Variants in GALNT13 observed in about 807,000 individuals in gnomAD.
GALNT13 encodes the protein UDP-GalNAc:polypeptide N-acetylgalactosaminyltransferase 13.
A neutral mutation model predicts 64.2 loss-of-function variants in GALNT13; 28 were observed. That is an observed-to-expected ratio of 0.44 (90% confidence interval 0.32 to 0.60). GALNT13 has a LOEUF of 0.60. Ranked by LOEUF, GALNT13 falls within the 20% of genes least tolerant of loss-of-function variation. GALNT13 has a pLI of 0.05. For missense variants in GALNT13, 577 were observed against 669.8 expected (o/e 0.86, Z 1.53); for synonymous variants, 214 against 224.6 (o/e 0.95, Z 0.42).
chr2:153,777,337 G>A, the GALNT13 span, among the ~76,000 whole-genome samples: 2 of 152,130 alleles, frequency 1.3e-5, no homozygotes, highest in Non-Finnish European at 2.9e-5. Flanking sequence ...GGTGGGATGG[G>A]GTGGAAATAC....
intron 2 of GALNT13, among the ~76,000 whole-genome samples, chr2:153,929,509 C>G (rs950268644): frequency 2.0e-5 from 3 of 152,078 alleles, no homozygotes; most frequent in African/African-American, 7.2e-5. Context: ...TACCCTCCAC[C>G]TTCAAGTAGG....
At chr2:153,532,966 A>G in the GALNT13 span, among the ~76,000 whole-genome samples, 1 of 152,346 alleles carries the variant, frequency 6.6e-6, no homozygotes, top group South Asian at 2.1e-4. Context: ...TCTATTCTCC[A>G]TGAGCTAATT....
At chr2:154,269,906 G>GTGTATA (rs529424469) in intron 8 of GALNT13, among the ~76,000 whole-genome samples, 13 of 96,848 alleles carry the variant, frequency 1.3e-4, no homozygotes, top group Non-Finnish European at 1.9e-4. Flanking sequence ...ATATATATGT[G>GTGTATA]TATATATATA....
At chr2:153,872,902 A>T in intron 1 of GALNT13, among the ~76,000 whole-genome samples, 1 of 150,912 alleles carries the variant, frequency 6.6e-6, no homozygotes, top group Non-Finnish European at 1.5e-5. Flanking sequence ...TCTCTTTCTG[A>T]GCCTTGGTCC....
chr2:153,421,774 G>T, the GALNT13 span: 1 of 207,376 alleles, frequency 4.8e-6, no homozygotes. Flanking sequence ...TATAAACACT[G>T]CCCTGGACAC....
the GALNT13 span, chr2:153,207,999 T>C: frequency 4.6e-5 from 7 of 152,228 alleles, no homozygotes; most frequent in South Asian, 1.5e-3. Flanking sequence ...TCCAGGTAAG[T>C]AGACATTCTT....
intron 2 of GALNT13, among the ~76,000 whole-genome samples, chr2:153,942,924 G>C (rs1440839576): frequency 2.0e-5 from 3 of 152,086 alleles, no homozygotes; most frequent in African/African-American, 7.2e-5. Flanking sequence ...ATGTTTTTGA[G>C]ACAAACGTTT....
the GALNT13 span, among the ~76,000 whole-genome samples, chr2:153,577,425 A>C: frequency 1.3e-5 from 2 of 152,102 alleles, no homozygotes; most frequent in Non-Finnish European, 2.9e-5. Context: ...CAATTAATTA[A>C]AAAAATCCCC....
intron 1 of GALNT13, among the ~76,000 whole-genome samples, chr2:153,884,860 C>T (rs1453836882): frequency 1.1e-4 from 7 of 63,706 alleles, no homozygotes; most frequent in African/African-American, 3.6e-4. Flanking sequence ...TGTATATACA[C>T]ACACACACAC....
At chr2:153,347,459 G>GT in the GALNT13 span, among the ~76,000 whole-genome samples, 1 of 152,210 alleles carries the variant, frequency 6.6e-6, no homozygotes, top group Non-Finnish European at 1.5e-5. Context: ...GACAGCAACT[G>GT]TAAGACATTA....
chr2:153,996,772 A>G (rs547171728), intron 3 of GALNT13, among the ~76,000 whole-genome samples: 10 of 152,110 alleles, frequency 6.6e-5, no homozygotes, highest in Admixed American at 3.9e-4. Context: ...TGTTTCCCCT[A>G]TGCTTTTTTG....
At chr2:153,469,047 T>C in the GALNT13 span, among the ~76,000 whole-genome samples, 2 of 152,256 alleles carry the variant, frequency 1.3e-5, no homozygotes, top group South Asian at 2.1e-4. Context: ...TTATTAACCA[T>C]TGGAAGTTAT....
chr2:153,802,281 A>G, the GALNT13 span, among the ~76,000 whole-genome samples: 1 of 152,236 alleles, frequency 6.6e-6, no homozygotes, highest in African/African-American at 2.4e-5. Flanking sequence ...AGATGTAATC[A>G]GAAGCTAAAA....
chr2:153,354,292 A>G, the GALNT13 span: 1 of 152,224 alleles, frequency 6.6e-6, no homozygotes, highest in South Asian at 2.1e-4. Flanking sequence ...GTAAGTTCTC[A>G]AAGAAGTGGA....
At chr2:154,414,942 C>A (rs1699944882) in intron 11 of GALNT13, among the ~76,000 whole-genome samples, 1 of 151,740 alleles carries the variant, frequency 6.6e-6, no homozygotes, top group South Asian at 2.1e-4. Flanking sequence ...AATTGGTACT[C>A]AGATCATAGT....
At chr2:153,656,846 G>A in the GALNT13 span, among the ~76,000 whole-genome samples, 1 of 152,048 alleles carries the variant, frequency 6.6e-6, no homozygotes, top group South Asian at 2.1e-4. Flanking sequence ...GTCACACATT[G>A]GGATGAAGTC....
chr2:154,341,181 A>G (rs1423182214), intron 9 of GALNT13, among the ~76,000 whole-genome samples: 2 of 152,100 alleles, frequency 1.3e-5, no homozygotes, highest in African/African-American at 4.8e-5. Context: ...TACAAAGGAA[A>G]AAAATAAAGA....
At chr2:154,153,547 A>G (rs2105634283) in intron 4 of GALNT13, among the ~76,000 whole-genome samples, 1 of 152,318 alleles carries the variant, frequency 6.6e-6, no homozygotes, top group South Asian at 2.1e-4. Context: ...GAGCCTACAG[A>G]GGCAGGCAGG....
intron 9 of GALNT13, among the ~76,000 whole-genome samples, chr2:154,394,919 C>G (rs1022362824): frequency 6.6e-6 from 1 of 152,094 alleles, no homozygotes; most frequent in Non-Finnish European, 1.5e-5. Flanking sequence ...ACAAGAAGGT[C>G]GGAGCTAGTG....
Sources: allele counts gnomAD v4.1 joint callset (sites outside exome capture counted in the v4.1 genomes callset), GRCh38; gene constraint gnomAD v4.1.1; transcripts MANE v1.5; gene names NCBI Gene and HGNC (gene_info 2026-07-23, HGNC 2026-07-21).